Variants in GPM6B observed in about 807,000 individuals in gnomAD.
The protein encoded by GPM6B is glycoprotein M6B, also known as neuronal membrane glycoprotein M6-b.
GPM6B carries 4 observed loss-of-function variants against 27.2 expected under a neutral mutation model. That is an observed-to-expected ratio of 0.15 (90% CI 0.07 to 0.34). The LOEUF (loss-of-function observed/expected upper bound fraction) is 0.34, where lower values mean the gene tolerates loss of function less well. Ranked by LOEUF, GPM6B falls within the 10% of genes least tolerant of loss-of-function variation. The pLI, the probability that GPM6B is intolerant of heterozygous loss-of-function variation, is 1.00. For synonymous variants in GPM6B, 124 were observed against 103.1 expected, an observed-to-expected ratio of 1.20 and a Z score of -1.23; for missense variants, 183 against 261.9, an observed-to-expected ratio of 0.70 and a Z score of 2.08.
chrX:13,804,813 G>C, intron 2 of GPM6B, among the ~76,000 whole-genome samples: 1 of 98,525 alleles, frequency 1.0e-5, no homozygotes, highest in Middle Eastern at 5.1e-3. Context: ...AAAAAAAAAA[G>C]AAAAAAAAAA....
chrX:13,826,653 G>A (rs767696466), intron 1 of GPM6B, among the ~76,000 whole-genome samples: 8 of 110,913 alleles, frequency 7.2e-5, no homozygotes, highest in African/African-American at 1.6e-4. Context: ...TGAGAAGATC[G>A]CATGAGCCCA....
chrX:13,821,491 C>G (rs989995340), upstream of GPM6B, among the ~76,000 whole-genome samples: 8 of 112,743 alleles, frequency 7.1e-5, no homozygotes, highest in Non-Finnish European at 1.5e-4. Context: ...GGACATCGTC[C>G]TGGTCAGTTG....
chrX:13,831,627 AC>A (rs1429229811), intron 1 of GPM6B, among the ~76,000 whole-genome samples: 4 of 111,039 alleles, frequency 3.6e-5, no homozygotes, highest in African/African-American at 1.3e-4. Context: ...ACATCATCCA[AC>A]CCTGGGATGG....
chrX:13,920,890 CA>C (rs35002910), intron 1 of GPM6B, among the ~76,000 whole-genome samples: 15,078 of 78,802 alleles, frequency 0.19, 1,013 homozygotes, highest in Admixed American at 0.24. Flanking sequence ...GATTCCGCCT[CA>C]AAAAAAAAAA....
At chrX:13,924,112 G>A (rs56306978) in intron 1 of GPM6B, among the ~76,000 whole-genome samples, 3,015 of 111,274 alleles carry the variant, frequency 0.027, 58 homozygotes, top group Non-Finnish European at 0.045. Flanking sequence ...ACTGTTACAC[G>A]TCATCACTAG....
At chrX:13,919,794 GA>G (rs1332925618) in intron 1 of GPM6B, among the ~76,000 whole-genome samples, 1 of 111,152 alleles carries the variant, frequency 9.0e-6, no homozygotes, top group Non-Finnish European at 1.9e-5. Context: ...AGAACACACA[GA>G]AATCAATACT....
chrX:13,772,897 A>G lies in GPM6B; in HGVS notation c.971T>C (p.Leu324Pro), dbSNP rs374181087. The change falls in exon 8 of 8, where the codon CTC becomes CCC. Residue 324 changes from leucine (L) to proline (P), a missense_variant. By Grantham distance (98) the Leu-to-Pro change is moderately conservative (BLOSUM62 -3). Coordinates refer to ENST00000316715, the MANE Select transcript of GPM6B (RefSeq NM_001001995.3). The part of the protein sequence containing the change: ...QDIQSRSKEQ[L>P]NSYT ...GGCAAACATTTATGTGTAAGAATTG[A>G]GTTGTTCTTTTGACCGAGACTGGAT... The G allele has an allele frequency of 1.5e-5, 18 of 1,208,731 alleles. No individual in the cohort carries two copies. Among genetic ancestry groups the G allele is most frequent in the Non-Finnish European group, 1.9e-5 (17 of 894,395 alleles).
intron 7 of GPM6B, among the ~76,000 whole-genome samples, chrX:13,775,812 G>A (rs996228061): frequency 5.3e-5 from 6 of 112,242 alleles, no homozygotes; most frequent in Non-Finnish European, 9.4e-5. Context: ...GTGACTTTAT[G>A]GAACACAGCT....
intron 1 of GPM6B, among the ~76,000 whole-genome samples, chrX:13,835,125 G>T (rs1485629724): frequency 1.8e-5 from 2 of 111,969 alleles, no homozygotes; most frequent in Non-Finnish European, 3.8e-5. Context: ...AGACTAAACC[G>T]TGCATGAGTA....
intron 1 of GPM6B, among the ~76,000 whole-genome samples, chrX:13,921,047 A>C (rs1920966689): frequency 8.9e-6 from 1 of 112,572 alleles, no homozygotes; most frequent in African/African-American, 3.2e-5. Flanking sequence ...ATTACAATTC[A>C]GTTTTATATC....
At chrX:13,900,528 G>A (rs1363581411) in intron 1 of GPM6B, among the ~76,000 whole-genome samples, 1 of 110,966 alleles carries the variant, frequency 9.0e-6, no homozygotes, top group South Asian at 3.9e-4. Flanking sequence ...GTTGTGCCAC[G>A]TGCGTGTTTT....
rs36050008 is a variant in GPM6B, at chrX:13,785,765, G to A, written c.225C>T (p.Tyr75=). The part of the protein sequence containing the change: ...CCIKCLGGVP[Y]ASLVATILCF... ...AGAGGATGGTGGCCACCAGGGAGGCGTAGGGGACTCCTCCCAGACACTTGA... is the reference window on the plus strand; with the variant it reads ...AGAGGATGGTGGCCACCAGGGAGGCATAGGGGACTCCTCCCAGACACTTGA... The change falls in exon 3 of 8, where the codon TAC becomes TAT. Residue 75 remains tyrosine, a synonymous_variant. Transcript: ENST00000316715. The A allele has an allele frequency of 0.023, 27,620 of 1,209,256 alleles. 267 individuals are homozygous for A. Among genetic ancestry groups the A allele is most frequent in the Non-Finnish European group, 0.028 (25,128 of 894,510 alleles).
In GPM6B at chrX:13,807,744, A is replaced by G. The variant is rs1338476264; in HGVS notation, c.87T>C (p.Ile29=). 2 of 1,204,450 alleles carry G rather than the reference A, an allele frequency of 1.7e-6. No homozygotes were observed. Among genetic ancestry groups the G allele is most frequent in the East Asian group, 5.9e-5 (2 of 33,717 alleles). Residue 29 remains isoleucine (I), a synonymous_variant, in exon 2 of 8, where the codon ATT becomes ATC. Coordinates refer to ENST00000316715, the MANE Select transcript of GPM6B (RefSeq NM_001001995.3). ...RKVNSRAEME[I]GRYHWMYPGS... is the part of the protein sequence containing the mutation. ...CTGGGTACATCCAGTGGTACCTGCC[A>G]ATTTCCATTTCAGCTCTGCTGTTCA... is the stretch of plus-strand genomic sequence containing the variant.
intron 2 of GPM6B, among the ~76,000 whole-genome samples, chrX:13,795,427 TC>T (rs2048791631): frequency 1.8e-5 from 2 of 111,676 alleles, no homozygotes; most frequent in Admixed American, 9.5e-5. Context: ...AAAACACTCC[TC>T]CATTCTCCAA....
At chrX:13,783,854 C>T (rs761274795) in intron 3 of GPM6B, 9 of 358,834 alleles carry the variant, frequency 2.5e-5, no homozygotes, top group Admixed American at 9.1e-5. Flanking sequence ...AGTTAAGCTC[C>T]TCATCGGAGG....
At chrX:13,823,063 A>G (rs1350617564) in intron 1 of GPM6B, among the ~76,000 whole-genome samples, 1 of 112,326 alleles carries the variant, frequency 8.9e-6, no homozygotes, top group Non-Finnish European at 1.9e-5. Context: ...GTTTTTAAAA[A>G]AATATCTTTT....
intron 1 of GPM6B, among the ~76,000 whole-genome samples, chrX:13,832,745 T>A (rs1055631746): frequency 1.8e-5 from 2 of 111,897 alleles, no homozygotes; most frequent in Non-Finnish European, 3.8e-5. Flanking sequence ...TTTAATCCAC[T>A]AAATAGTCAG....
At chrX:13,931,356 T>C (rs6633435) in intron 1 of GPM6B, among the ~76,000 whole-genome samples, 41,937 of 108,109 alleles carry the variant, frequency 0.39, 6,705 homozygotes, top group Non-Finnish European at 0.5. Context: ...GGCATGGTGG[T>C]GGGCGCCTGT....
intron 1 of GPM6B, among the ~76,000 whole-genome samples, chrX:13,873,362 A>G (rs1603101724): frequency 1.8e-5 from 2 of 110,409 alleles, no homozygotes; most frequent in South Asian, 7.8e-4. Flanking sequence ...GGGCTCAAAC[A>G]TGGCTCCATC....
Sources: allele counts gnomAD v4.1 joint callset (sites outside exome capture counted in the v4.1 genomes callset), GRCh38; gene constraint gnomAD v4.1.1; transcripts MANE v1.5; gene names NCBI Gene and HGNC (gene_info 2026-07-23, HGNC 2026-07-21).